SPTSSA: variants seen among roughly 807,000 people sequenced by gnomAD.
SPTSSA encodes the protein serine palmitoyltransferase small subunit A, also known as small subunit of serine palmitoyltransferase A.
Under a neutral mutation model 9.1 loss-of-function variants are expected in SPTSSA, and 8 were observed. The ratio of observed to expected loss-of-function variants is 0.88; its 90% confidence interval spans 0.51 to 1.58. The LOEUF (loss-of-function observed/expected upper bound fraction) is 1.58. Ranked by LOEUF, SPTSSA falls within the 40% of genes most tolerant of loss-of-function variation. The pLI is 0.00. For synonymous variants in SPTSSA, 42 were observed against 37.7 expected, an observed-to-expected ratio of 1.11 and a Z score of -0.41; for missense variants, 100 against 93.8, an observed-to-expected ratio of 1.07 and a Z score of -0.27.
At chr14:34,450,154 C>T (rs1883494708) in intron 1 of SPTSSA, among the ~76,000 whole-genome samples, 1 of 152,150 alleles carries the variant, frequency 6.6e-6, no homozygotes, top group African/African-American at 2.4e-5. Context: ...CAAGAGAAGG[C>T]AATGTAATCC....
chr14:34,435,249 C>T lies in SPTSSA; in HGVS notation c.168G>A (p.Met56Ile), dbSNP rs777876812. The T allele has an allele frequency of 3.1e-6, 5 of 1,613,782 alleles. No individual in the cohort carries two copies. The African/African-American group carries it at 6.7e-5, about 22-fold the overall frequency. The change falls in exon 2 of 2, where the codon ATG becomes ATA. Residue 56 changes from methionine (M) to isoleucine (I), a missense_variant. Coordinates refer to ENST00000298130, the MANE Select transcript of SPTSSA (RefSeq NM_138288.4). ...GMALYTGYVF[M>I]PQHIMAILHY... is the part of the protein sequence containing the mutation. ...GCAATATCGCCATGATGTGCTGGGG[C>T]ATGAAGACGTATCCTGTGTATAGTG...
At chr14:34,450,252 T>G (rs1436012728) in intron 1 of SPTSSA, among the ~76,000 whole-genome samples, 1 of 152,210 alleles carries the variant, frequency 6.6e-6, no homozygotes, top group Non-Finnish European at 1.5e-5. Flanking sequence ...AATTTGTTAT[T>G]AATTTACAGT....
chr14:34,451,593 G>C (rs1018751367), intron 1 of SPTSSA, among the ~76,000 whole-genome samples: 3 of 151,832 alleles, frequency 2.0e-5, no homozygotes, highest in African/African-American at 7.3e-5. Flanking sequence ...CGCGGTGGCG[G>C]GCGCCTGTAG....
chr14:34,458,432 C>T lies in SPTSSA; in HGVS notation c.112+3664G>A, dbSNP rs112192281. On this transcript the variant is annotated intron_variant, in intron 1 of 1. Coordinates refer to ENST00000298130, the MANE Select transcript of SPTSSA (RefSeq NM_138288.4). ...TTCCTGGACTCCAGCTATCTGCCCACCGCGGCCTCCCAGAGTGCTGGGATT... is the reference window on the plus strand; with the variant it reads ...TTCCTGGACTCCAGCTATCTGCCCATCGCGGCCTCCCAGAGTGCTGGGATT... Among the ~76,000 whole-genome samples the T allele has an allele frequency of 4.3e-3, 660 of 152,226 alleles. 4 individuals are homozygous for T. Among genetic ancestry groups the T allele is most frequent in the African/African-American group, 0.015 (608 of 41,528 alleles).
intron 1 of SPTSSA, among the ~76,000 whole-genome samples, chr14:34,442,730 G>A (rs1048633255): frequency 2.6e-5 from 4 of 152,278 alleles, no homozygotes; most frequent in East Asian, 3.9e-4. Context: ...CAGGTGACAC[G>A]ATCCTTTGCT....
At chr14:34,461,688 G>T (rs954917294) in intron 1 of SPTSSA, among the ~76,000 whole-genome samples, 1 of 152,210 alleles carries the variant, frequency 6.6e-6, no homozygotes, top group Non-Finnish European at 1.5e-5. Flanking sequence ...AACACTTAAA[G>T]GTCAAAGGCG....
intron 1 of SPTSSA, among the ~76,000 whole-genome samples, chr14:34,445,629 C>T (rs112824375): frequency 0.09 from 13,730 of 152,176 alleles, 1,302 homozygotes; most frequent in African/African-American, 0.23. Context: ...ATGCCTGGCT[C>T]TCTGGATGTA....
intron 1 of SPTSSA, among the ~76,000 whole-genome samples, chr14:34,442,983 T>TGTGAGA (rs750212266): frequency 6.7e-6 from 1 of 148,338 alleles, no homozygotes; most frequent in African/African-American, 2.5e-5. Context: ...TGTGTGTGTG[T>TGTGAGA]GAGATGGAGT....
At chr14:34,436,856 CT>C (rs1309076757) in intron 1 of SPTSSA, among the ~76,000 whole-genome samples, 1 of 151,576 alleles carries the variant, frequency 6.6e-6, no homozygotes, top group African/African-American at 2.4e-5. Flanking sequence ...CTTTCACAAT[CT>C]TTTTTTTACA....
intron 1 of SPTSSA, among the ~76,000 whole-genome samples, chr14:34,445,124 T>G (rs1193040469): frequency 6.6e-6 from 1 of 152,040 alleles, no homozygotes; most frequent in Non-Finnish European, 1.5e-5. Context: ...TAAAAACAGT[T>G]TTACACGCAA....
At chr14:34,458,206 T>C (rs1878529414) in intron 1 of SPTSSA, among the ~76,000 whole-genome samples, 4 of 82,598 alleles carry the variant, frequency 4.8e-5, no homozygotes, top group Non-Finnish European at 8.7e-5. Flanking sequence ...TCAATTGAGA[T>C]TTTTTTTTCT....
intron 1 of SPTSSA, among the ~76,000 whole-genome samples, chr14:34,453,085 C>T (rs1883556414): frequency 6.6e-6 from 1 of 152,114 alleles, no homozygotes; most frequent in Non-Finnish European, 1.5e-5. Flanking sequence ...ATATAACATA[C>T]AAAATATGTT....
At chr14:34,456,573 T>C (rs927293302) in intron 1 of SPTSSA, among the ~76,000 whole-genome samples, 1 of 151,986 alleles carries the variant, frequency 6.6e-6, no homozygotes, top group African/African-American at 2.4e-5. Context: ...CCAGTGATTA[T>C]AGACTAATAT....
chr14:34,448,310 G>C (rs1179197290), intron 1 of SPTSSA, among the ~76,000 whole-genome samples: 1 of 151,972 alleles, frequency 6.6e-6, no homozygotes, highest in Non-Finnish European at 1.5e-5. Flanking sequence ...AGAGTTCCAT[G>C]GTCCCCAATA....
chr14:34,443,503 GAGGGTGTGT>G (rs2138822205), intron 1 of SPTSSA, among the ~76,000 whole-genome samples: 1 of 20,438 alleles, frequency 4.9e-5, no homozygotes, highest in East Asian at 7.5e-4. Context: ...GCTTCTAGGG[GAGGGTGTGT>G]GTGTGTGTGT....
At position 34,435,275 on chromosome 14, in the gene SPTSSA, C is replaced by T; in HGVS notation, c.142G>A (p.Ala48Thr). The T allele has an allele frequency of 6.2e-7, 1 of 1,612,794 alleles. No individual in the cohort carries two copies. Among genetic ancestry groups the T allele is most frequent in the Non-Finnish European group, 8.5e-7 (1 of 1,179,196 alleles). ...ATGAAGACGTATCCTGTGTATAGTG[C>T]CATCCCCACAATGGAAACCAGCATG... ...NSMLVSIVGM[A>T]LYTGYVFMPQ... is the part of the protein sequence containing the mutation. Residue 48 changes from alanine (A) to threonine (T), a missense_variant, in exon 2 of 2, where the codon GCA becomes ACA. Transcript: ENST00000298130.
chr14:34,451,498 C>T (rs568962495), intron 1 of SPTSSA, among the ~76,000 whole-genome samples: 3,196 of 152,096 alleles, frequency 0.021, 51 homozygotes, highest in Middle Eastern at 0.034. Context: ...CCAAGGTGGG[C>T]AGATCACGAG....
At chr14:34,456,186 G>T (rs1878462176) in intron 1 of SPTSSA, among the ~76,000 whole-genome samples, 4 of 152,016 alleles carry the variant, frequency 2.6e-5, no homozygotes, top group Admixed American at 2.0e-4. Flanking sequence ...GCCAGGCGTG[G>T]TGGTGGGTGC....
intron 1 of SPTSSA, among the ~76,000 whole-genome samples, chr14:34,435,596 T>C (rs1594615722): frequency 1.3e-5 from 2 of 151,818 alleles, no homozygotes. Context: ...ATCAGACTGC[T>C]TCAAATGTTT....
Sources: allele counts gnomAD v4.1 joint callset (sites outside exome capture counted in the v4.1 genomes callset), GRCh38; gene constraint gnomAD v4.1.1; transcripts MANE v1.5; gene names NCBI Gene and HGNC (gene_info 2026-07-23, HGNC 2026-07-21).